Variants in ZMIZ1 observed in about 807,000 individuals in gnomAD.
ZMIZ1 encodes zinc finger MIZ domain-containing protein 1.
In ZMIZ1, 17 loss-of-function variants were observed where a neutral mutation model predicts 113.9. That is an observed-to-expected ratio of 0.15 (90% CI 0.10 to 0.22). The LOEUF (loss-of-function observed/expected upper bound fraction) is 0.22. Among genes scored for constraint, ZMIZ1 ranks in the 10% least tolerant of loss-of-function variants. The probability of loss-of-function intolerance (pLI) is 1.00; values close to 1 mark genes in which losing one functional copy is unlikely to be tolerated. For synonymous variants in ZMIZ1, 607 were observed against 603.1 expected (o/e 1.01, Z -0.09); for missense variants, 1,059 against 1,477.8 (o/e 0.72, Z 4.65).
At position 79,299,185 on chromosome 10, in the gene ZMIZ1, T is replaced by C; in HGVS notation, c.1802T>C (p.Met601Thr). ...HLRPTVHQTLMWRSDLELQFK... is the reference protein window; with the variant it reads ...HLRPTVHQTLTWRSDLELQFK... ...CGGCCCACGGTCCACCAGACGCTGA[T>C]GTGGAGGTGCGTGTCAGGGCAGGGG... The change falls in exon 16 of 25, where the codon ATG (methionine) becomes ACG (threonine). Residue 601 changes from methionine to threonine, a missense_variant. Transcript: ENST00000334512. The C allele has an allele frequency of 6.2e-7, 1 of 1,604,556 alleles. No individual in the cohort carries two copies. The highest frequency in any genetic ancestry group is 2.2e-5 in the East Asian group (1 of 44,790).
intron 1 of ZMIZ1, among the ~76,000 whole-genome samples, chr10:79,085,171 T>C (rs1842768401): frequency 6.6e-6 from 1 of 152,176 alleles, no homozygotes; most frequent in Non-Finnish European, 1.5e-5. Flanking sequence ...TTACTGTGTC[T>C]CTTCTCTCTC....
chr10:79,158,116 G>T (rs1011385616), intron 3 of ZMIZ1, among the ~76,000 whole-genome samples: 1 of 152,178 alleles, frequency 6.6e-6, no homozygotes, highest in Non-Finnish European at 1.5e-5. Context: ...ACCCTGATTT[G>T]GATGGGCACC....
At chr10:79,312,236 C>T (rs945609298) in intron 24 of ZMIZ1, among the ~76,000 whole-genome samples, 18 of 152,352 alleles carry the variant, frequency 1.2e-4, no homozygotes, top group East Asian at 9.6e-4. Context: ...GGTGCAGGAA[C>T]CACTCGCCTT....
At chr10:79,194,898 C>T (rs1005480473) in intron 4 of ZMIZ1, among the ~76,000 whole-genome samples, 6 of 152,222 alleles carry the variant, frequency 3.9e-5, no homozygotes, top group Non-Finnish European at 8.8e-5. Context: ...AGCTTGGTCC[C>T]GAAAGACGTC....
chr10:79,300,686 C>A, intron 16 of ZMIZ1, 46 bp from the exon 17 acceptor site: 1 of 1,576,252 alleles, frequency 6.3e-7, no homozygotes, highest in Non-Finnish European at 8.6e-7. Flanking sequence ...AGGCCATGGA[C>A]AGCCCCCTGG....
rs926518134 is a variant in ZMIZ1 at position 79,069,815 on chromosome 10, G to A, written c.-337+545G>A. Among the ~76,000 whole-genome samples the A allele has an allele frequency of 2.0e-5, 3 of 152,144 alleles. No individual in the cohort carries two copies. The highest frequency in any genetic ancestry group is 7.2e-5 in the African/African-American group (3 of 41,442). On this transcript the variant is annotated intron_variant, in intron 1 of 24. Transcript: ENST00000334512. This position sits in a 1 kb window ranked among gnomAD's most constrained non-coding sequence, Gnocchi z 4.6. ...GGGAAAACATACACTTTTGTAAATG[G>A]GAGGTGGGGGCGCGGTTAAGTTGTT...
chr10:79,295,453 T>G (rs1382054813), intron 12 of ZMIZ1: 1 of 152,246 alleles, frequency 6.6e-6, no homozygotes, highest in East Asian at 1.9e-4. Flanking sequence ...TTGCCATGGC[T>G]TGTTCATACA....
At chr10:79,217,205 C>T (rs1020749528) in intron 7 of ZMIZ1, among the ~76,000 whole-genome samples, 2 of 152,166 alleles carry the variant, frequency 1.3e-5, no homozygotes, top group African/African-American at 2.4e-5. Flanking sequence ...GAGCAGATCA[C>T]GAGGTCAGGA....
At chr10:79,085,794 T>A (rs966851215) in intron 1 of ZMIZ1, among the ~76,000 whole-genome samples, 27 of 152,238 alleles carry the variant, frequency 1.8e-4, no homozygotes, top group African/African-American at 6.5e-4. Flanking sequence ...CTCCCTCTGT[T>A]TCTGAGCTGT....
chr10:79,195,443 C>T (rs969672960), intron 4 of ZMIZ1, among the ~76,000 whole-genome samples: 4 of 152,222 alleles, frequency 2.6e-5, no homozygotes, highest in Non-Finnish European at 5.9e-5. Flanking sequence ...GCTGAGGCCA[C>T]GGGTGCACCT....
intron 7 of ZMIZ1, among the ~76,000 whole-genome samples, chr10:79,251,448 C>G (rs1373389727): frequency 6.6e-6 from 1 of 152,180 alleles, no homozygotes; most frequent in Non-Finnish European, 1.5e-5. Flanking sequence ...CTCTGGGTCA[C>G]TTGTCCTCCT....
In ZMIZ1 at chr10:79,312,668, C is replaced by T. The variant is rs760835622; in HGVS notation, c.3123C>T (p.Asp1041=). ...LDLLPELTNP[D]ELLSYLDPPD... ...TCCTTCCCGAACTCACAAATCCTGA[C>T]GAGCTCCTGTCTTATCTGGACCCCC... The change falls in exon 25 of 25, where the codon GAC becomes GAT. Residue 1041 remains aspartate, a synonymous_variant. Coordinates refer to ENST00000334512, the MANE Select transcript of ZMIZ1 (RefSeq NM_020338.4). The T allele has an allele frequency of 1.7e-5, 28 of 1,614,084 alleles. No individual in the cohort carries two copies. Among genetic ancestry groups the T allele is most frequent in the Non-Finnish European group, 1.9e-5 (23 of 1,180,032 alleles).
intron 24 of ZMIZ1, 35 bp from the exon 25 acceptor site, chr10:79,312,607 A>G: frequency 1.2e-6 from 2 of 1,610,392 alleles, no homozygotes; most frequent in Non-Finnish European, 1.7e-6. Context: ...TCTCAGGCAC[A>G]CCTCATCTGA....
chr10:79,282,973 A>G (rs1327988318), intron 8 of ZMIZ1, among the ~76,000 whole-genome samples: 3 of 152,278 alleles, frequency 2.0e-5, no homozygotes, highest in African/African-American at 7.2e-5. Flanking sequence ...ACTTGAAGCC[A>G]GTGAAGTCTT....
At chr10:79,252,759 G>A (rs563575622) in intron 7 of ZMIZ1, among the ~76,000 whole-genome samples, 10 of 152,240 alleles carry the variant, frequency 6.6e-5, no homozygotes, top group South Asian at 2.1e-4. Flanking sequence ...CTGGATGCAC[G>A]CCCCCCTGCC....
chr10:79,193,846 C>T (rs972346642), intron 4 of ZMIZ1, among the ~76,000 whole-genome samples: 2 of 152,174 alleles, frequency 1.3e-5, no homozygotes, highest in African/African-American at 2.4e-5. Flanking sequence ...CAGGGAGCAG[C>T]CCCACGTTGG....
chr10:79,190,005 A>AT (rs1847532779), intron 4 of ZMIZ1, among the ~76,000 whole-genome samples: 1 of 152,150 alleles, frequency 6.6e-6, no homozygotes, highest in Non-Finnish European at 1.5e-5. Flanking sequence ...TGGAGAGTAG[A>AT]GCTTGATGAA....
At chr10:79,151,818 G>A (rs531007805) in intron 3 of ZMIZ1, among the ~76,000 whole-genome samples, 1 of 152,338 alleles carries the variant, frequency 6.6e-6, no homozygotes, top group African/African-American at 2.4e-5. Context: ...GCAGTGGGCT[G>A]CGGGATGTGA....
At chr10:79,219,006 A>G (rs1328093193) in intron 7 of ZMIZ1, among the ~76,000 whole-genome samples, 4 of 150,146 alleles carry the variant, frequency 2.7e-5, no homozygotes, top group Non-Finnish European at 5.9e-5. Context: ...TTTTGTGATG[A>G]CAGCTCGGGC....
Sources: allele counts gnomAD v4.1 joint callset (sites outside exome capture counted in the v4.1 genomes callset), GRCh38; gene constraint gnomAD v4.1.1; non-coding constraint Gnocchi (gnomAD v3.1); transcripts MANE v1.5; gene names NCBI Gene and HGNC (gene_info 2026-07-23, HGNC 2026-07-21).